Variants in SLC6A5 observed in about 807,000 individuals in gnomAD.
The protein encoded by SLC6A5 is sodium- and chloride-dependent glycine transporter 2.
Under a neutral mutation model 90.5 loss-of-function variants are expected in SLC6A5, and 58 were observed. The observed-to-expected ratio is 0.64, with a 90% CI of 0.52 to 0.80. SLC6A5 has a LOEUF of 0.80. SLC6A5 is among the 30% of genes least tolerant of loss of function. The pLI, the probability that SLC6A5 is intolerant of heterozygous loss-of-function variation, is 0.00. For synonymous variants in SLC6A5, 427 were observed against 401.4 expected, an observed-to-expected ratio of 1.06 and a Z score of -0.76; for missense variants, 1,015 against 1,017.6, an observed-to-expected ratio of 1.00 and a Z score of 0.03.
Position 20,652,382 on chromosome 11 carries a change from C to A in SLC6A5, c.2164C>A (p.Leu722Ile). The A allele has an allele frequency of 6.2e-7, 1 of 1,614,074 alleles. No homozygotes were observed. The highest frequency in any genetic ancestry group is 8.5e-7 in the Non-Finnish European group (1 of 1,179,962). ...NWSMVLGWLM[L>I]ACSVIWIPIM... Reference sequence around the variant, plus strand: ...GTCCATGGTGCTCGGATGGCTAATGCTCGCCTGTTCCGTCATCTGGATCCC... The same window carrying A: ...GTCCATGGTGCTCGGATGGCTAATGATCGCCTGTTCCGTCATCTGGATCCC... Residue 722 changes from leucine (L) to isoleucine (I), a missense_variant, in exon 15 of 16, where the codon CTC (leucine) becomes ATC (isoleucine). By Grantham distance (5) the Leu-to-Ile change is conservative (BLOSUM62 2). Around this residue, in one of 3 missense-constraint regions of SLC6A5, gnomAD observed 442 missense variants for 494.3 expected, o/e 0.89. Transcript: ENST00000525748.
At chr11:20,630,591 G>A (rs1853089254) in intron 9 of SLC6A5, 100 bp from the exon 10 acceptor site, 1 of 1,382,444 alleles carries the variant, frequency 7.2e-7, no homozygotes, top group African/African-American at 1.4e-5. Flanking sequence ...GCCTACACAT[G>A]TGCAGACAAA....
At chr11:20,639,855 A>G (rs879556637) in intron 13 of SLC6A5, among the ~76,000 whole-genome samples, 17 of 152,204 alleles carry the variant, frequency 1.1e-4, no homozygotes, top group Admixed American at 2.0e-4. Flanking sequence ...GGGAGAGTTT[A>G]GTTCCTGGCA....
intron 5 of SLC6A5, among the ~76,000 whole-genome samples, chr11:20,609,730 T>C (rs1852659582): frequency 6.6e-6 from 1 of 152,212 alleles, no homozygotes; most frequent in African/African-American, 2.4e-5. Context: ...GTGACCTTCG[T>C]GTGCAGCTTG....
chr11:20,613,082 A>G (rs1289019946), intron 5 of SLC6A5, among the ~76,000 whole-genome samples: 1 of 152,106 alleles, frequency 6.6e-6, no homozygotes, highest in Non-Finnish European at 1.5e-5. Context: ...CCTGCTCCCT[A>G]TTCACATTGG....
At position 20,601,217 on chromosome 11, in the gene SLC6A5, C is replaced by T. The variant is rs1852466040; in HGVS notation, c.92C>T (p.Ala31Val). Residue 31 changes from alanine to valine, a missense_variant, in exon 2 of 16, where the codon GCT becomes GTT. Coordinates refer to ENST00000525748, the MANE Select transcript of SLC6A5 (RefSeq NM_004211.5). Reference protein sequence around the residue: ...AAQGHPDGPCAPRTSPEQELP... With the variant: ...AAQGHPDGPCVPRTSPEQELP... ...CAGGGCCACCCGGATGGCCCATGCG[C>T]TCCCAGGACGAGCCCGGAGCAGGAG... 1 of 1,582,988 alleles carries T rather than the reference C, an allele frequency of 6.3e-7. No homozygotes were observed. Among genetic ancestry groups the T allele is most frequent in the Non-Finnish European group, 8.5e-7 (1 of 1,172,222 alleles).
At chr11:20,599,727 G>A (rs747970869) in intron 1 of SLC6A5, 52 bp downstream of exon 1, 9 of 1,610,812 alleles carry the variant, frequency 5.6e-6, no homozygotes, top group South Asian at 5.5e-5. Flanking sequence ...AGGGGACAGG[G>A]AAAGCAGATT....
intron 10 of SLC6A5, among the ~76,000 whole-genome samples, chr11:20,633,925 G>A (rs1382018925): frequency 6.6e-6 from 1 of 152,144 alleles, no homozygotes; most frequent in Non-Finnish European, 1.5e-5. Context: ...AGGCTGGAGT[G>A]CAGTGGTGCC....
intron 12 of SLC6A5, among the ~76,000 whole-genome samples, chr11:20,638,071 G>A (rs992862315): frequency 9.9e-5 from 15 of 152,166 alleles, no homozygotes; most frequent in African/African-American, 3.4e-4. Flanking sequence ...GACACCTAAA[G>A]GTCATCGGAG....
At chr11:20,623,259 G>A (rs569308402) in intron 7 of SLC6A5, among the ~76,000 whole-genome samples, 6 of 151,774 alleles carry the variant, frequency 4.0e-5, no homozygotes, top group African/African-American at 1.2e-4. Flanking sequence ...GAAAGAGTTC[G>A]GCCTTGAGTA....
chr11:20,647,509 A>T (rs1406319737), intron 14 of SLC6A5, among the ~76,000 whole-genome samples: 1 of 148,190 alleles, frequency 6.7e-6, no homozygotes, highest in East Asian at 2.0e-4. Context: ...GTTCCTATGG[A>T]ACATTTCCTA....
rs77573091 is a variant in SLC6A5 at position 20,611,578 on chromosome 11, T to C, written c.986-3101T>C. Among the ~76,000 whole-genome samples, 4,037 of 152,278 alleles carry C rather than the reference T, an allele frequency of 0.027. 424 individuals carry two copies. In the East Asian group the frequency reaches 0.35, roughly 13 times the overall value. On this transcript the variant is annotated intron_variant, in intron 5 of 15. Transcript: ENST00000525748. ...CACTCTTCAACCTACTCCAAAACCC[T>C]AGCTCCAAACTCTTTGGGGAGATGG...
chr11:20,647,003 C>G, intron 14 of SLC6A5, 69 bp downstream of exon 14: 1 of 1,000,164 alleles, frequency 1.0e-6, no homozygotes, highest in Non-Finnish European at 1.6e-6. Flanking sequence ...TACATTTGAA[C>G]AGTGCATGCC....
At position 20,653,218 on chromosome 11, in the gene SLC6A5, G is replaced by A. The variant is rs78640802; in HGVS notation, c.2238+762G>A. ...TGAGGATCCAGGAATCTGGCATTTT[G>A]GACTAAATCAGGGCTACTTAGGGTT... On this transcript the variant is annotated intron_variant, in intron 15 of 15. Coordinates refer to ENST00000525748, the MANE Select transcript of SLC6A5 (RefSeq NM_004211.5). Among the ~76,000 whole-genome samples the A allele has an allele frequency of 1.6e-3, 239 of 152,178 alleles. 2 individuals carry two copies. Among genetic ancestry groups the A allele is most frequent in the African/African-American group, 5.6e-3 (231 of 41,494 alleles).
chr11:20,652,214 G>A lies in SLC6A5; in HGVS notation c.2071-75G>A, dbSNP rs67654465. 1.1e-3 allele frequency: 1,505 copies of A among 1,322,428 alleles called. 15 individuals are homozygous for A. The African/African-American group carries it at 0.018, about 16-fold the overall frequency. 81.9% of individuals were successfully genotyped at this position (1,322,428 alleles called of 1,614,324 possible). A position where few individuals can be genotyped will look rare whatever the true frequency, so the allele number is the denominator to read the frequency against. On this transcript the variant is annotated intron_variant, in intron 14 of 15. Transcript: ENST00000525748. ...GAGACGAAAGCATCAAACTCATAAC[G>A]GGGGTTTAATAGTGTTGAGTGCTTG...
rs55849528 is a variant in SLC6A5 at position 20,650,655 on chromosome 11, CTTTTTTTTT to C, written c.2071-1613_2071-1605del. On this transcript the variant is annotated intron_variant, in intron 14 of 15. Coordinates refer to ENST00000525748, the MANE Select transcript of SLC6A5 (RefSeq NM_004211.5). ...TCACCACTTGGTGATGACGCCTGTT[CTTTTTTTTT>C]TTTTTTTTTTTTTTTTTTTTGAGAT... 9.6e-4 allele frequency among the ~76,000 whole-genome samples: 77 copies of C among 79,838 alleles called. 1 individual carries two copies. Among genetic ancestry groups the C allele is most frequent in the African/African-American group, 3.1e-3 (61 of 19,654 alleles). The allele number at this position is 79,838 out of a possible 152,430, so 52.4% of individuals were successfully genotyped here.
chr11:20,612,575 T>C (rs983106188), intron 5 of SLC6A5, among the ~76,000 whole-genome samples: 2 of 152,248 alleles, frequency 1.3e-5, no homozygotes, highest in Non-Finnish European at 2.9e-5. Flanking sequence ...TGGAGTGCAG[T>C]GGTGCAATCA....
chr11:20,599,630 G>C lies in SLC6A5; in HGVS notation c.-43G>C, dbSNP rs771293291. ...AGCCAAACCCAGTCTTGTCAATAGC[G>C]GGTTTCACCCTCCACCAGTTCAGTC... is the stretch of plus-strand genomic sequence containing the variant. On this transcript the variant is annotated 5_prime_UTR_variant, in exon 1 of 16. Transcript: ENST00000525748. The C allele has an allele frequency of 1.2e-6, 2 of 1,613,882 alleles. No individual in the cohort carries two copies. Among genetic ancestry groups the C allele is most frequent in the Non-Finnish European group, 1.7e-6 (2 of 1,179,768 alleles).
At chr11:20,630,638 C>T in intron 9 of SLC6A5, 53 bp from the exon 10 acceptor site, 1 of 1,608,782 alleles carries the variant, frequency 6.2e-7, no homozygotes. Context: ...TCCCCTTGTC[C>T]CTTTCCACTC....
At chr11:20,617,405 C>T (rs1180299172) in intron 6 of SLC6A5, among the ~76,000 whole-genome samples, 1 of 152,186 alleles carries the variant, frequency 6.6e-6, no homozygotes, top group African/African-American at 2.4e-5. Flanking sequence ...CAAAAATCAC[C>T]CTTGACGGTT....
Sources: allele counts gnomAD v4.1 joint callset (sites outside exome capture counted in the v4.1 genomes callset), GRCh38; gene constraint gnomAD v4.1.1; regional missense constraint gnomAD v4.1.1; transcripts MANE v1.5; gene names NCBI Gene and HGNC (gene_info 2026-07-23, HGNC 2026-07-21).